GABRG3: variants seen among roughly 807,000 people sequenced by gnomAD.
The protein encoded by GABRG3 is gamma-aminobutyric acid type A receptor subunit gamma3, also known as gamma-aminobutyric acid receptor subunit gamma-3.
GABRG3 carries 25 observed loss-of-function variants against 48.8 expected under a neutral mutation model. That is an observed-to-expected ratio of 0.51 (90% CI 0.37 to 0.72). The LOEUF (loss-of-function observed/expected upper bound fraction) is 0.72. Ranked by LOEUF, GABRG3 falls within the 30% of genes least tolerant of loss-of-function variation. The pLI is 0.00. For missense variants in GABRG3, 394 were observed against 577.9 expected, an observed-to-expected ratio of 0.68 and a Z score of 3.26; for synonymous variants, 227 against 217.6, an observed-to-expected ratio of 1.04 and a Z score of -0.38.
intron 3 of GABRG3, among the ~76,000 whole-genome samples, chr15:27,123,178 A>G (rs1897760820): frequency 1.3e-5 from 2 of 152,244 alleles, no homozygotes; most frequent in Admixed American, 1.3e-4. Flanking sequence ...GATGGGTAAA[A>G]TAGGTGTGTC....
At chr15:27,162,982 G>A (rs1000994806) in intron 3 of GABRG3, among the ~76,000 whole-genome samples, 6 of 152,004 alleles carry the variant, frequency 3.9e-5, no homozygotes, top group African/African-American at 1.4e-4. Context: ...TACAATCTTA[G>A]TAGGTGACCC....
At chr15:27,038,373 T>C (rs1896215262) in intron 3 of GABRG3, among the ~76,000 whole-genome samples, 1 of 152,154 alleles carries the variant, frequency 6.6e-6, no homozygotes, top group Non-Finnish European at 1.5e-5. Context: ...GTCATGTCAT[T>C]CTGTACCAAG....
intron 3 of GABRG3, among the ~76,000 whole-genome samples, chr15:27,108,529 C>A (rs1351471252): frequency 1.3e-5 from 2 of 152,130 alleles, no homozygotes; most frequent in African/African-American, 2.4e-5. Flanking sequence ...TTGCATGAGA[C>A]TTGGGAAGAG....
At position 27,236,726 on chromosome 15, in the gene GABRG3, C is replaced by T. The variant is rs186024887; in HGVS notation, c.271-90083C>T. ...GAGGGTTTCTTGTCCTCTGCTTCAC[C>T]GTTTGACATCAGAGGGCCAAAAACT... On this transcript the variant is annotated intron_variant, in intron 3 of 9. Transcript: ENST00000615808. The surrounding 1 kb of genome is among the most constrained non-coding windows in gnomAD (Gnocchi z 4.4). 6.6e-6 allele frequency among the ~76,000 whole-genome samples: 1 copy of T among 152,302 alleles called. No homozygotes were observed. The highest frequency in any genetic ancestry group is 1.9e-4 in the East Asian group (1 of 5,166).
At chr15:26,984,012 G>A (rs192849360) in intron 2 of GABRG3, among the ~76,000 whole-genome samples, 4 of 151,952 alleles carry the variant, frequency 2.6e-5, no homozygotes, top group Admixed American at 2.0e-4. Flanking sequence ...CCTCGTTGTC[G>A]CCCCCTACAG....
chr15:27,121,652 A>G (rs1224124898), intron 3 of GABRG3, among the ~76,000 whole-genome samples: 1 of 152,238 alleles, frequency 6.6e-6, no homozygotes, highest in African/African-American at 2.4e-5. Context: ...TAGAAAGGAT[A>G]TGTAATTTGC....
At chr15:27,410,845 C>CGT (rs61423614) in intron 5 of GABRG3, among the ~76,000 whole-genome samples, 7,668 of 143,536 alleles carry the variant, frequency 0.053, 214 homozygotes, top group Middle Eastern at 0.084. Context: ...TGCGCACGCT[C>CGT]GTGTGTGTGT....
rs1244005179 is a variant in GABRG3 at position 27,150,116 on chromosome 15, AC to A, written c.270+123297del. ...CCTGAAGGTGTCCAGAGGTGATACA[AC>A]CATCATTTAGATGTTTCTTTTGGGA... On this transcript the variant is annotated intron_variant, in intron 3 of 9. Coordinates refer to ENST00000615808, the MANE Select transcript of GABRG3 (RefSeq NM_033223.5). 2.0e-5 allele frequency among the ~76,000 whole-genome samples: 3 copies of A among 152,192 alleles called. 1 individual carries two copies. Among genetic ancestry groups the A allele is most frequent in the Admixed American group, 6.5e-5 (1 of 15,286 alleles).
intron 5 of GABRG3, among the ~76,000 whole-genome samples, chr15:27,400,695 A>G (rs2140586595): frequency 6.6e-6 from 1 of 152,318 alleles, no homozygotes; most frequent in African/African-American, 2.4e-5. Flanking sequence ...CAAATTAGTT[A>G]TACGTGAGTG....
chr15:27,430,841 T>C (rs1595749787), intron 5 of GABRG3, among the ~76,000 whole-genome samples: 1 of 151,864 alleles, frequency 6.6e-6, no homozygotes, highest in African/African-American at 2.4e-5. Flanking sequence ...AATACAAAAA[T>C]TAGCTGGGTG....
intron 3 of GABRG3, among the ~76,000 whole-genome samples, chr15:27,322,648 C>T (rs780257934): frequency 2.6e-5 from 4 of 152,094 alleles, no homozygotes; most frequent in Non-Finnish European, 4.4e-5. Context: ...TTGCATTGTA[C>T]GTATGAGGAG....
intron 3 of GABRG3, among the ~76,000 whole-genome samples, chr15:27,283,064 T>C (rs1891490509): frequency 6.6e-6 from 1 of 152,166 alleles, no homozygotes; most frequent in Admixed American, 6.5e-5. Flanking sequence ...GGGTGCTTTG[T>C]TGTGCTGAGT....
intron 5 of GABRG3, among the ~76,000 whole-genome samples, chr15:27,451,823 C>T (rs1889121371): frequency 6.6e-6 from 1 of 152,066 alleles, no homozygotes. Context: ...GAAAGGAACT[C>T]AACAACAAAA....
chr15:27,020,465 G>A (rs1160894826), intron 2 of GABRG3, among the ~76,000 whole-genome samples: 1 of 152,216 alleles, frequency 6.6e-6, no homozygotes. Context: ...AGGCTGGAGT[G>A]CAGTGGCGCT....
chr15:27,430,174 A>C (rs996561007), intron 5 of GABRG3, among the ~76,000 whole-genome samples: 7 of 152,184 alleles, frequency 4.6e-5, no homozygotes, highest in African/African-American at 1.7e-4. Context: ...ATCTCTTTAG[A>C]TGCTTATTGG....
intron 9 of GABRG3, among the ~76,000 whole-genome samples, chr15:27,529,098 A>G (rs1467452092): frequency 6.6e-6 from 1 of 152,254 alleles, no homozygotes; most frequent in South Asian, 2.1e-4. Flanking sequence ...TCTTTTGAGC[A>G]CTATGCTTGA....
intron 5 of GABRG3, among the ~76,000 whole-genome samples, chr15:27,442,486 C>T (rs979748196): frequency 6.6e-6 from 1 of 152,162 alleles, no homozygotes; most frequent in African/African-American, 2.4e-5. Flanking sequence ...CTGCTCCGGG[C>T]GGCACAAGCC....
rs541914791 is a variant in GABRG3 at position 27,444,222 on chromosome 15, ATCT to A, written c.575-36423_575-36421del. ...CAACTTCATCAATCATGTTTTTCAA[ATCT>A]TCTTACTATGTAGTGATTTTTTTGT... is the stretch of plus-strand genomic sequence containing the variant. On this transcript the variant is annotated intron_variant, in intron 5 of 9. Transcript: ENST00000615808. 1.4e-4 allele frequency among the ~76,000 whole-genome samples: 22 copies of A among 152,270 alleles called. No individual in the cohort carries two copies. In the East Asian group the frequency reaches 2.5e-3, roughly 17 times the overall value.
chr15:27,450,735 G>T (rs1223475994), intron 5 of GABRG3, among the ~76,000 whole-genome samples: 1 of 151,864 alleles, frequency 6.6e-6, no homozygotes, highest in Non-Finnish European at 1.5e-5. Flanking sequence ...TCGGGGGTGG[G>T]GGGGTGGCAT....
Sources: gnomAD v4.1 joint callset for allele counts (sites outside exome capture counted in the v4.1 genomes callset) on GRCh38, gnomAD v4.1.1 for gene constraint, Gnocchi (gnomAD v3.1) non-coding constraint, MANE v1.5 for transcripts, NCBI Gene and HGNC (gene_info 2026-07-23, HGNC 2026-07-21) for gene names.